Variants in MOV10L1 observed in about 807,000 individuals in gnomAD.
The protein encoded by MOV10L1 is RNA helicase Mov10l1.
A neutral mutation model predicts 143.8 loss-of-function variants in MOV10L1; 110 were observed. The observed-to-expected ratio is 0.76, with a 90% CI of 0.66 to 0.90. MOV10L1 has a LOEUF of 0.90. MOV10L1 is among the 40% of genes least tolerant of loss of function. The pLI is 0.00. For synonymous variants in MOV10L1, 593 were observed against 581.1 expected (o/e 1.02, Z -0.29); for missense variants, 1,406 against 1,526.8 (o/e 0.92, Z 1.32).
chr22:50,126,236 T>C lies in MOV10L1; in HGVS notation c.1782T>C (p.Asn594=). 1.2e-6 allele frequency: 2 copies of C among 1,612,604 alleles called. No individual in the cohort carries two copies. Among genetic ancestry groups the C allele is most frequent in the African/African-American group, 1.3e-5 (1 of 75,024 alleles). The change falls in exon 12 of 27, where the codon AAT becomes AAC. Residue 594 remains asparagine, a synonymous_variant. Transcript: ENST00000262794. ...TGATTTTAAAAACTCAAGAGTACAA[T>C]GGACATGCCATCGAATACATCAGCT... ...DKLILKTQEY[N]GHAIEYISYV... is the part of the protein sequence containing the mutation.
chr22:50,115,196 G>A lies in MOV10L1; in HGVS notation c.1209G>A (p.Gly403=), dbSNP rs761560921. 3.9e-6 allele frequency: 6 copies of A among 1,555,650 alleles called. No homozygotes were observed. The highest frequency in any genetic ancestry group is 3.7e-5 in the South Asian group (3 of 80,812). Residue 403 remains glycine, a synonymous_variant, in exon 8 of 27, where the codon GGG becomes GGA. Coordinates refer to ENST00000262794, the MANE Select transcript of MOV10L1 (RefSeq NM_018995.3). ...AGATGACAGAGCCTGAGCCTGGGGG[G>A]CTTGTCCCTCCAGGGGGAAAAACCT... ...RKQMTEPEPG[G]LVPPGGKTFI...
At chr22:50,126,331 A>G in intron 12 of MOV10L1, 59 bp downstream of exon 12, 2 of 1,341,888 alleles carry the variant, frequency 1.5e-6, no homozygotes, top group East Asian at 4.7e-5. Context: ...CCGGTTGGAA[A>G]GGTAACGTTC....
chr22:50,143,979 C>A, intron 17 of MOV10L1, 118 bp from the exon 18 acceptor site: 2 of 1,315,630 alleles, frequency 1.5e-6, no homozygotes, highest in Middle Eastern at 1.9e-4. Context: ...TGGGGGCTGG[C>A]ATCTGAGCCC....
Position 50,147,573 on chromosome 22 carries a change from T to C in MOV10L1, c.2627+1763T>C, listed in dbSNP as rs529573770. ...AGGGAGGGTGCTGCAGGCCGCTCTC[T>C]CAGAGGCGCTCTGTGCAGAAGCAGG... On this transcript the variant is annotated intron_variant, in intron 19 of 26. Transcript: ENST00000262794. Among the ~76,000 whole-genome samples, 11 of 150,962 alleles carry C rather than the reference T, an allele frequency of 7.3e-5. 1 individual carries two copies. The East Asian group carries it at 2.0e-3, about 27-fold the overall frequency.
chr22:50,142,475 G>A (rs9617103), intron 16 of MOV10L1, among the ~76,000 whole-genome samples: 34,452 of 151,906 alleles, frequency 0.23, 4,287 homozygotes, highest in Admixed American at 0.35. Flanking sequence ...CCGCAGAATC[G>A]GTTGACAGCC....
chr22:50,105,690 A>G (rs1161522556), intron 3 of MOV10L1, among the ~76,000 whole-genome samples: 1 of 152,238 alleles, frequency 6.6e-6, no homozygotes, highest in African/African-American at 2.4e-5. Context: ...AGAAAGTAAA[A>G]GGAGCATCAT....
At chr22:50,135,248 G>C (rs779541633) in intron 15 of MOV10L1, among the ~76,000 whole-genome samples, 15 of 151,786 alleles carry the variant, frequency 9.9e-5, no homozygotes, top group Admixed American at 2.6e-4. Flanking sequence ...TCCTGATCTT[G>C]TGATCCACCC....
chr22:50,126,043 C>T (rs770208935), intron 11 of MOV10L1, among the ~76,000 whole-genome samples, 159 bp from the exon 12 acceptor site: 42 of 151,938 alleles, frequency 2.8e-4, no homozygotes, highest in Non-Finnish European at 4.7e-4. Flanking sequence ...CCGCCCGCCT[C>T]GGCCTCTCAA....
At chr22:50,157,905 T>G in intron 22 of MOV10L1, 152 bp from the exon 23 acceptor site, 1 of 890,018 alleles carries the variant, frequency 1.1e-6, no homozygotes, top group Non-Finnish European at 1.7e-6. Flanking sequence ...ACATATGCCA[T>G]CTGCCCTGCT....
Position 50,108,686 on chromosome 22 carries a change from C to T in MOV10L1, c.585C>T (p.Asn195=), listed in dbSNP as rs1425342493. The T allele has an allele frequency of 1.7e-5, 28 of 1,613,994 alleles. 1 individual carries two copies. Among genetic ancestry groups the T allele is most frequent in the South Asian group, 7.7e-5 (7 of 91,078 alleles). ...GCATCTCTAGCCTCTGTGGAAGGAACGGGGTGTTAGAGGAAAGCATCTTCT... is the reference window on the plus strand; with the variant it reads ...GCATCTCTAGCCTCTGTGGAAGGAATGGGGTGTTAGAGGAAAGCATCTTCT... The part of the protein sequence containing the change: ...KVCISSLCGR[N]GVLEESIFFT... The change falls in exon 5 of 27, where the codon AAC becomes AAT. Residue 195 remains asparagine, a synonymous_variant. Transcript: ENST00000262794.
chr22:50,118,891 G>T (rs2147178103), intron 9 of MOV10L1, among the ~76,000 whole-genome samples: 1 of 152,292 alleles, frequency 6.6e-6, no homozygotes, highest in Non-Finnish European at 1.5e-5. Context: ...CACCCATCCT[G>T]CAGGCTCAAG....
Position 50,158,398 on chromosome 22 carries a change from CTGCCAGCTTT to C in MOV10L1, c.3216+194_3216+203del. ...CCATCCATGGGCCAGTTCCGGGCAG[CTGCCAGCTTT>C]TCTACGGCCAGAGCCTCGAACAGTT... is the stretch of plus-strand genomic sequence containing the variant. On this transcript the variant is annotated intron_variant, in intron 23 of 26. Coordinates refer to ENST00000262794, the MANE Select transcript of MOV10L1 (RefSeq NM_018995.3). This position sits in a 1 kb window ranked among gnomAD's most constrained non-coding sequence, Gnocchi z 5.0. The C allele has an allele frequency of 1.6e-6, 1 of 608,934 alleles. No homozygotes were observed. Among genetic ancestry groups the C allele is most frequent in the South Asian group, 2.4e-5 (1 of 42,406 alleles). The allele number at this position is 608,934 out of a possible 1,614,324, so 37.7% of individuals were successfully genotyped here.
intron 3 of MOV10L1, among the ~76,000 whole-genome samples, chr22:50,107,620 A>C (rs150147741): frequency 1.1e-3 from 164 of 152,292 alleles, no homozygotes; most frequent in African/African-American, 3.9e-3. Flanking sequence ...CATGTCACTG[A>C]ACCTGCAGTT....
At chr22:50,119,060 G>T (rs1053079111) in intron 9 of MOV10L1, among the ~76,000 whole-genome samples, 8 of 152,152 alleles carry the variant, frequency 5.3e-5, no homozygotes, top group African/African-American at 1.9e-4. Context: ...AGCCTTGGAG[G>T]ATCCCTGGTT....
Position 50,158,046 on chromosome 22 carries a change from C to T in MOV10L1, c.3067-11C>T, listed in dbSNP as rs540475089. The T allele has an allele frequency of 6.8e-6, 11 of 1,609,204 alleles. No individual in the cohort carries two copies. The African/African-American group carries it at 1.1e-4, about 16-fold the overall frequency. ...TGAAGTAAAGTAGGTTTTCTCTCCT[C>T]ATCAACCCAGGGCAGCGAGGCACGG... On this transcript the variant is annotated splice_polypyrimidine_tract_variant and intron_variant, in intron 22 of 26. Transcript: ENST00000262794. This position sits in a 1 kb window ranked among gnomAD's most constrained non-coding sequence, Gnocchi z 5.0.
At position 50,098,848 on chromosome 22, in the gene MOV10L1, G is replaced by A. The variant is rs1369014687; in HGVS notation, c.283-595G>A. Among the ~76,000 whole-genome samples the A allele has an allele frequency of 2.0e-5, 3 of 152,094 alleles. No homozygotes were observed. In the South Asian group the frequency reaches 6.2e-4, roughly 32 times the overall value. On this transcript the variant is annotated intron_variant, in intron 2 of 26. Transcript: ENST00000262794. ...TTCTCGTGTTGAAGAGATTTCCTGC[G>A]ATTCCTAGTTTATTGAGTGTTTGCA...
intron 13 of MOV10L1, among the ~76,000 whole-genome samples, chr22:50,132,168 C>T (rs1178112047): frequency 6.6e-6 from 1 of 152,214 alleles, no homozygotes; most frequent in Non-Finnish European, 1.5e-5. Context: ...GATGAAGTTT[C>T]ACCATACGAA....
At chr22:50,135,438 G>A (rs2062798046) in intron 15 of MOV10L1, among the ~76,000 whole-genome samples, 2 of 152,042 alleles carry the variant, frequency 1.3e-5, no homozygotes, top group Admixed American at 6.6e-5. Context: ...CAAACTTTGT[G>A]AATGTTGCAA....
rs777425873 is a variant in MOV10L1 at position 50,108,194 on chromosome 22, G to C, written c.501G>C (p.Thr167=). 1.2e-6 allele frequency: 2 copies of C among 1,614,000 alleles called. No individual in the cohort carries two copies. Among genetic ancestry groups the C allele is most frequent in the Non-Finnish European group, 1.7e-6 (2 of 1,180,038 alleles). The change falls in exon 4 of 27, where the codon ACG becomes ACC. Residue 167 remains threonine, a synonymous_variant. Transcript: ENST00000262794. ...CTGAGTACCGGATCCGGCCTGGCAC[G>C]TGGAGCAGCGAAGCCACCTCAGTGA... ...VEAEYRIRPG[T]WSSEATSVKP...
Sources: allele counts gnomAD v4.1 joint callset (sites outside exome capture counted in the v4.1 genomes callset), GRCh38; gene constraint gnomAD v4.1.1; non-coding constraint Gnocchi (gnomAD v3.1); transcripts MANE v1.5; gene names NCBI Gene and HGNC (gene_info 2026-07-23, HGNC 2026-07-21).